BDP1: variants seen among roughly 807,000 people sequenced by gnomAD.
The protein encoded by BDP1 is transcription factor TFIIIB component B'' homolog.
Under a neutral mutation model 266.6 loss-of-function variants are expected in BDP1, and 169 were observed. That is an observed-to-expected ratio of 0.63 (90% CI 0.56 to 0.72). The LOEUF (loss-of-function observed/expected upper bound fraction) is 0.72, where lower values mean the gene tolerates loss of function less well. BDP1 is among the 30% of genes least tolerant of loss of function. The pLI, the probability that BDP1 is intolerant of heterozygous loss-of-function variation, is 0.00. For missense variants in BDP1, 3,015 were observed against 3,053.8 expected (o/e 0.99, Z 0.30); for synonymous variants, 1,090 against 1,022.4 (o/e 1.07, Z -1.26).
chr5:71,504,804 A>G (rs1580092635), intron 16 of BDP1, 53 bp downstream of exon 16: 1 of 1,574,378 alleles, frequency 6.4e-7, no homozygotes, highest in East Asian at 2.2e-5. Context: ...AAAGTTTTAG[A>G]ACTCAATCAG....
rs369495463 is a variant in BDP1, at chr5:71,542,135, G to C, written c.6282G>C (p.Leu2094Phe). ...CAATTTCTAAAGTGACCAGTAATTT[G>C]AGAATAAGAAGTAGGCTTGCTAAGC... ...RNTISKVTSNLRIRSRLAKPK... is the reference protein window; with the variant it reads ...RNTISKVTSNFRIRSRLAKPK... The change falls in exon 30 of 39, where the codon TTG (leucine) becomes TTC (phenylalanine). Residue 2094 changes from leucine (L) to phenylalanine (F), a missense_variant. Physicochemically the swap from Leu to Phe is conservative, Grantham distance 22. Around this residue, in one of 3 missense-constraint regions of BDP1, gnomAD observed 629 missense variants for 632.5 expected, o/e 0.99. Coordinates refer to ENST00000358731, the MANE Select transcript of BDP1 (RefSeq NM_018429.3). 9.3e-6 allele frequency: 15 copies of C among 1,607,016 alleles called. No homozygotes were observed. The Admixed American group carries it at 1.2e-4, about 13-fold the overall frequency.
chr5:71,526,006 G>T (rs1165653666), intron 25 of BDP1, among the ~76,000 whole-genome samples: 2 of 152,196 alleles, frequency 1.3e-5, no homozygotes, highest in African/African-American at 4.8e-5. Context: ...GGGCGGCCAG[G>T]CAGAGACGCT....
In BDP1 at chr5:71,515,046, C is replaced by A; in HGVS notation, c.4573C>A (p.Pro1525Thr). The change falls in exon 20 of 39, where the codon CCT becomes ACT. Residue 1525 changes from proline to threonine, a missense_variant. Physicochemically the swap from Pro to Thr is conservative, Grantham distance 38 (BLOSUM62 -1). Coordinates refer to ENST00000358731, the MANE Select transcript of BDP1 (RefSeq NM_018429.3). Reference protein sequence around the residue: ...PCTQTERNLSPSNSCEPKEES... With the variant: ...PCTQTERNLSTSNSCEPKEES... ...TACACAGACTGAAAGGAACCTTTCA[C>A]CTTCAAATTCTTGTGAACCTAAAGA... is the stretch of plus-strand genomic sequence containing the variant. 6.2e-7 allele frequency: 1 copy of A among 1,612,660 alleles called. No individual in the cohort carries two copies. The highest frequency in any genetic ancestry group is 2.2e-5 in the East Asian group (1 of 44,766).
At position 71,499,315 on chromosome 5, in the gene BDP1, GC is replaced by G. The variant is rs1764090813; in HGVS notation, c.1956+1892del. 1.3e-5 allele frequency among the ~76,000 whole-genome samples: 2 copies of G among 152,068 alleles called. 1 individual carries two copies. Among genetic ancestry groups the G allele is most frequent in the Admixed American group, 1.3e-4 (2 of 15,262 alleles). Reference sequence around the variant, plus strand: ...AGGTTTCACCATATTGAGCCACCGTGCCCTGCCAAAACCTTTTTCAGCTGAC... The same window carrying G: ...AGGTTTCACCATATTGAGCCACCGTGCCTGCCAAAACCTTTTTCAGCTGAC... On this transcript the variant is annotated intron_variant, in intron 13 of 38. Transcript: ENST00000358731.
At chr5:71,512,188 A>G (rs1389014219) in intron 17 of BDP1, 53 bp from the exon 18 acceptor site, 8 of 894,956 alleles carry the variant, frequency 8.9e-6, no homozygotes, top group Non-Finnish European at 1.1e-5. Flanking sequence ...TAAATATATA[A>G]GATGTTTAAA....
intron 16 of BDP1, among the ~76,000 whole-genome samples, chr5:71,505,940 G>C (rs1170606840): frequency 3.9e-5 from 6 of 152,142 alleles, no homozygotes; most frequent in Non-Finnish European, 7.4e-5. Flanking sequence ...TTCATTGGAA[G>C]ACAAAAAAAT....
rs184274805 is a variant in BDP1, at chr5:71,530,113, A to C, written c.5773-2195A>C. 3.5e-4 allele frequency among the ~76,000 whole-genome samples: 54 copies of C among 152,340 alleles called. 1 individual carries two copies. The highest frequency in any genetic ancestry group is 1.2e-3 in the African/African-American group (50 of 41,580). ...AAACTGTATGATGCTTAAAAAACCA[A>C]CTTTTACTTTATAGAATATTCCCTT... On this transcript the variant is annotated intron_variant, in intron 25 of 38. Transcript: ENST00000358731.
chr5:71,526,631 A>AAAT (rs1189389967), intron 25 of BDP1, among the ~76,000 whole-genome samples: 1 of 150,174 alleles, frequency 6.7e-6, no homozygotes, highest in Non-Finnish European at 1.5e-5. Flanking sequence ...AAAAAAAAAA[A>AAAT]AAAAAGAAGA....
In BDP1 at chr5:71,522,392, C is replaced by G. The variant is rs959926970; in HGVS notation, c.5095C>G (p.Pro1699Ala). The G allele has an allele frequency of 6.2e-7, 1 of 1,613,578 alleles. No individual in the cohort carries two copies. Among genetic ancestry groups the G allele is most frequent in the Non-Finnish European group, 8.5e-7 (1 of 1,179,882 alleles). Residue 1699 changes from proline (P) to alanine (A), a missense_variant, in exon 23 of 39, where the codon CCA becomes GCA. Pro to Ala is a conservative substitution (Grantham distance 27). Transcript: ENST00000358731. ...AAGAGCACACAGTAAGAAAGAGGAA[C>G]CAGTTTTAGAAAAAGTCACAACAGA... is the stretch of plus-strand genomic sequence containing the variant. ...LGRAHSKKEEPVLEKVTTDQS... is the reference protein window; with the variant it reads ...LGRAHSKKEEAVLEKVTTDQS...
intron 18 of BDP1, 23 bp downstream of exon 18, chr5:71,512,451 A>G (rs2150479139): frequency 6.9e-6 from 10 of 1,439,418 alleles, no homozygotes; most frequent in Non-Finnish European, 8.3e-6. Context: ...TTTTAAAGAA[A>G]AAGATATTAA....
intron 10 of BDP1, among the ~76,000 whole-genome samples, chr5:71,490,772 G>A (rs1416677957): frequency 6.6e-6 from 1 of 152,146 alleles, no homozygotes; most frequent in Non-Finnish European, 1.5e-5. Context: ...ATAAAAGGAA[G>A]ATGCTACAAA....
chr5:71,573,905 C>T, the BDP1 span, among the ~76,000 whole-genome samples: 1 of 152,204 alleles, frequency 6.6e-6, no homozygotes, highest in South Asian at 2.1e-4. Flanking sequence ...TGTACAATTT[C>T]TTGCAAGATT....
At chr5:71,520,393 G>A (rs546335080) in intron 22 of BDP1, among the ~76,000 whole-genome samples, 1 of 152,010 alleles carries the variant, frequency 6.6e-6, no homozygotes, top group African/African-American at 2.4e-5. Flanking sequence ...TTTTAAAACT[G>A]GATATTTTAT....
chr5:71,575,751 C>A, the BDP1 span, among the ~76,000 whole-genome samples: 82 of 152,288 alleles, frequency 5.4e-4, no homozygotes, highest in African/African-American at 1.9e-3. Flanking sequence ...GAGAGTTTTA[C>A]CCCAAGGCAT....
In BDP1 at chr5:71,517,295, C is replaced by G. The variant is rs950309804; in HGVS notation, c.4861-27C>G. ...GAGGTATATTCTGCTATAAAAATAA[C>G]ATACTAATATGATTTTGTCTTTTCA... is the stretch of plus-strand genomic sequence containing the variant. On this transcript the variant is annotated intron_variant, in intron 21 of 38. Coordinates refer to ENST00000358731, the MANE Select transcript of BDP1 (RefSeq NM_018429.3). 2.1e-5 allele frequency: 33 copies of G among 1,546,606 alleles called. No homozygotes were observed. In the East Asian group the frequency reaches 7.6e-4, roughly 35 times the overall value.
chr5:71,524,388 G>C (rs1041439419), intron 25 of BDP1, 65 bp downstream of exon 25: 1 of 1,426,622 alleles, frequency 7.0e-7, no homozygotes. Context: ...GTTTCTTTTA[G>C]GGGATCATTA....
intron 35 of BDP1, among the ~76,000 whole-genome samples, chr5:71,554,532 A>G (rs138232005): frequency 3.9e-5 from 6 of 152,372 alleles, no homozygotes; most frequent in African/African-American, 1.4e-4. Context: ...CCCAGTTTCA[A>G]TAATTTATCA....
Position 71,461,894 on chromosome 5 carries a change from C to T in BDP1, c.567C>T (p.Phe189=), listed in dbSNP as rs749892125. The T allele has an allele frequency of 4.0e-5, 63 of 1,559,676 alleles. 2 individuals carry two copies. Among genetic ancestry groups the T allele is most frequent in the South Asian group, 3.6e-4 (32 of 89,034 alleles). ...PDRSKMTMRD[F]IYYLPDNNPM... ...GTTCAAAAATGACTATGAGAGACTTCATATATTATCTACCAGATAATAATC... is the reference window on the plus strand; with the variant it reads ...GTTCAAAAATGACTATGAGAGACTTTATATATTATCTACCAGATAATAATC... Residue 189 remains phenylalanine, a synonymous_variant, in exon 3 of 39, where the codon TTC becomes TTT. Transcript: ENST00000358731.
chr5:71,522,984 GA>G, intron 24 of BDP1, 35 bp downstream of exon 24: 1 of 1,518,898 alleles, frequency 6.6e-7, no homozygotes. Context: ...TTCACAATAA[GA>G]AATAAAAATC....
Sources: gnomAD v4.1 joint callset for allele counts (sites outside exome capture counted in the v4.1 genomes callset) on GRCh38, gnomAD v4.1.1 for gene constraint, gnomAD v4.1.1 regional missense constraint, MANE v1.5 for transcripts, NCBI Gene and HGNC (gene_info 2026-07-23, HGNC 2026-07-21) for gene names.